ATP13A3: variants seen among roughly 807,000 people sequenced by gnomAD.
The protein encoded by ATP13A3 is ATPase 13A3, also known as polyamine-transporting ATPase 13A3.
In ATP13A3, 59 loss-of-function variants were observed where a neutral mutation model predicts 158.1. That is an observed-to-expected ratio of 0.37 (90% confidence interval 0.30 to 0.46). The LOEUF is 0.46. Among genes scored for constraint, ATP13A3 ranks in the 20% least tolerant of loss-of-function variants. ATP13A3 has a pLI of 1.00. For synonymous variants in ATP13A3, 491 were observed against 504.3 expected (o/e 0.97, Z 0.35); for missense variants, 1,166 against 1,525.2 (o/e 0.76, Z 3.92).
intron 3 of ATP13A3, among the ~76,000 whole-genome samples, chr3:194,461,791 A>G (rs1025755474): frequency 2.0e-5 from 3 of 152,174 alleles, no homozygotes; most frequent in Admixed American, 2.0e-4. Flanking sequence ...TTTTTTTATT[A>G]AGCTGATTTT....
chr3:194,444,641 T>C (rs1229918984), intron 15 of ATP13A3, 84 bp downstream of exon 15: 4 of 1,202,656 alleles, frequency 3.3e-6, no homozygotes, highest in Non-Finnish European at 4.7e-6. Flanking sequence ...CACAGTTGTC[T>C]ATTACTTCCT....
intron 21 of ATP13A3, among the ~76,000 whole-genome samples, chr3:194,432,515 A>G (rs1717300657): frequency 6.6e-6 from 1 of 152,188 alleles, no homozygotes; most frequent in South Asian, 2.1e-4. Context: ...TCCACACACT[A>G]TTTCCAAGAA....
intron 31 of ATP13A3, among the ~76,000 whole-genome samples, chr3:194,417,851 C>T (rs1235930586): frequency 6.6e-6 from 1 of 151,750 alleles, no homozygotes; most frequent in Non-Finnish European, 1.5e-5. Flanking sequence ...GTCCCAGCTA[C>T]TCAGGAGGCT....
intron 21 of ATP13A3, 178 bp from the exon 22 acceptor site, chr3:194,432,070 A>C (rs114431718): frequency 0.01 from 5,423 of 535,776 alleles, 61 homozygotes; most frequent in South Asian, 0.041. Context: ...TTATCAAAAG[A>C]AGCCTCAAAT....
At position 194,437,062 on chromosome 3, in the gene ATP13A3, G is replaced by A. The variant is rs114932826; in HGVS notation, c.2120+33C>T. ...GACTAATATAACCATAAATGATGAT[G>A]ACTGGGAAACTAGGAAAGCCGTTCA... is the stretch of plus-strand genomic sequence containing the variant. On this transcript the variant is annotated intron_variant, in intron 20 of 33. Transcript: ENST00000645319. The A allele has an allele frequency of 8.1e-3, 12,988 of 1,604,378 alleles. 67 individuals carry two copies. Among genetic ancestry groups the A allele is most frequent in the Middle Eastern group, 0.018 (110 of 6,018 alleles).
intron 31 of ATP13A3, 139 bp from the exon 32 acceptor site, chr3:194,413,978 A>C: frequency 1.4e-6 from 1 of 702,978 alleles, no homozygotes; most frequent in Non-Finnish European, 2.5e-6. Flanking sequence ...ATCCTCAACA[A>C]TGCCCCGCGG....
chr3:194,435,981 C>T (rs1223510871), intron 20 of ATP13A3, among the ~76,000 whole-genome samples: 1 of 152,180 alleles, frequency 6.6e-6, no homozygotes, highest in Non-Finnish European at 1.5e-5. Flanking sequence ...CATCCACTGT[C>T]TTATCCCCTA....
At position 194,402,929 on chromosome 3, in the gene ATP13A3, A is replaced by G. The variant is rs1002853906; in HGVS notation, c.*2990T>C. ...TAACTTTTATTAATTTAATGTACAC[A>G]TAATTACCAAATTTTAATACATTAA... On this transcript the variant is annotated 3_prime_UTR_variant, in exon 34 of 34. Coordinates refer to ENST00000645319, the MANE Select transcript of ATP13A3 (RefSeq NM_001367549.1). The G allele has an allele frequency of 1.3e-5, 2 of 152,244 alleles. No individual in the cohort carries two copies. The highest frequency in any genetic ancestry group is 4.8e-5 in the African/African-American group (2 of 41,458). The allele number at this position is 152,244 out of a possible 1,614,324, so 9.4% of individuals were successfully genotyped here. A position where few individuals can be genotyped will look rare whatever the true frequency, so the allele number is the denominator to read the frequency against.
At chr3:194,411,294 A>C (rs1286244760) in intron 33 of ATP13A3, among the ~76,000 whole-genome samples, 1 of 152,082 alleles carries the variant, frequency 6.6e-6, no homozygotes, top group Non-Finnish European at 1.5e-5. Flanking sequence ...GTCCTCTTCA[A>C]CTCCACCAGC....
intron 8 of ATP13A3, among the ~76,000 whole-genome samples, chr3:194,455,283 T>A (rs758661937): frequency 6.6e-6 from 1 of 152,174 alleles, no homozygotes; most frequent in Non-Finnish European, 1.5e-5. Flanking sequence ...TGTCATGGTA[T>A]TTTATCAATT....
chr3:194,418,728 A>G (rs944633852), intron 31 of ATP13A3, among the ~76,000 whole-genome samples: 2 of 152,226 alleles, frequency 1.3e-5, no homozygotes, highest in Non-Finnish European at 2.9e-5. Context: ...ACAACTTGGC[A>G]CGTGGTAGCT....
At chr3:194,456,036 GT>G in intron 7 of ATP13A3, 74 bp from the exon 8 acceptor site, 17 of 918,114 alleles carry the variant, frequency 1.9e-5, no homozygotes, top group Non-Finnish European at 2.7e-5. Context: ...ATTGTATTAG[GT>G]AAGGCTTAAA....
At chr3:194,454,938 C>T (rs536233192) in intron 8 of ATP13A3, among the ~76,000 whole-genome samples, 1 of 152,032 alleles carries the variant, frequency 6.6e-6, no homozygotes, top group South Asian at 2.1e-4. Context: ...TAGATTCATA[C>T]CATCCAAATA....
chr3:194,433,227 CTAT>C (rs1717359445), intron 21 of ATP13A3, among the ~76,000 whole-genome samples: 1 of 142,360 alleles, frequency 7.0e-6, no homozygotes, highest in East Asian at 2.1e-4. Flanking sequence ...TGTACTTTTA[CTAT>C]TCTTTTTTTT....
intron 2 of ATP13A3, among the ~76,000 whole-genome samples, chr3:194,493,702 A>C (rs1258311817): frequency 6.6e-6 from 1 of 152,166 alleles, no homozygotes; most frequent in Admixed American, 6.5e-5. Flanking sequence ...ACAACCTTGA[A>C]TAAGCACCTA....
upstream of ATP13A3, among the ~76,000 whole-genome samples, chr3:194,491,843 T>C (rs556150827): frequency 1.6e-3 from 115 of 73,584 alleles, no homozygotes; most frequent in East Asian, 2.4e-3. Flanking sequence ...ACCTGGCATG[T>C]CCCCTCATCT....
At position 194,407,577 on chromosome 3, in the gene ATP13A3, C is replaced by T. The variant is rs531126985; in HGVS notation, c.3574-1461G>A. 1.4e-4 allele frequency among the ~76,000 whole-genome samples: 21 copies of T among 152,300 alleles called. No homozygotes were observed. In the East Asian group the frequency reaches 3.5e-3, roughly 25 times the overall value. ...CTGAGAGCACGGTAAACGTGACTCA[C>T]CGCTCTCAATGTTAAAGGTCTGCTA... On this transcript the variant is annotated intron_variant, in intron 33 of 33. Transcript: ENST00000645319.
chr3:194,419,481 T>C (rs993879980), intron 31 of ATP13A3, among the ~76,000 whole-genome samples: 3 of 152,188 alleles, frequency 2.0e-5, no homozygotes, highest in Non-Finnish European at 2.9e-5. Context: ...TTCTTTTGTA[T>C]GAAAAACAAG....
At position 194,431,136 on chromosome 3, in the gene ATP13A3, T is replaced by A; in HGVS notation, c.2512A>T (p.Ile838Leu). The change falls in exon 23 of 34, where the codon ATA becomes TTA. Residue 838 changes from isoleucine (I) to leucine (L), a missense_variant. By Grantham distance (5) the Ile-to-Leu change is conservative. Coordinates refer to ENST00000645319, the MANE Select transcript of ATP13A3 (RefSeq NM_001367549.1). ...FAMNGKSFSV[I>L]LEHFQDLVPK... ...ACAAGGTCTTGAAAATGCTCCAGTA[T>A]CACTGAGAATGATTTTCCATTCATT... 6 of 1,613,984 alleles carry A rather than the reference T, an allele frequency of 3.7e-6. No homozygotes were observed. The highest frequency in any genetic ancestry group is 5.1e-6 in the Non-Finnish European group (6 of 1,179,884).
Sources: allele counts gnomAD v4.1 joint callset (sites outside exome capture counted in the v4.1 genomes callset), GRCh38; gene constraint gnomAD v4.1.1; transcripts MANE v1.5; gene names NCBI Gene and HGNC (gene_info 2026-07-23, HGNC 2026-07-21).